The following PTPN13 variants were observed in gnomAD, a reference collection of about 807,000 sequenced individuals.
PTPN13 encodes tyrosine-protein phosphatase non-receptor type 13.
Under a neutral mutation model 284.0 loss-of-function variants are expected in PTPN13, and 191 were observed. The observed-to-expected ratio is 0.67, with a 90% confidence interval of 0.60 to 0.76. PTPN13 has a LOEUF of 0.76. Ranked by LOEUF, PTPN13 falls within the 30% of genes least tolerant of loss-of-function variation. The probability of loss-of-function intolerance (pLI) is 0.00; values close to 1 mark genes in which losing one functional copy is unlikely to be tolerated. For synonymous variants in PTPN13, 986 were observed against 1,022.3 expected (o/e 0.96, Z 0.68); for missense variants, 2,797 against 2,939.9 (o/e 0.95, Z 1.12).
At chr4:86,804,937 T>C (rs1744492608) in intron 43 of PTPN13, among the ~76,000 whole-genome samples, 1 of 152,234 alleles carries the variant, frequency 6.6e-6, no homozygotes, top group African/African-American at 2.4e-5. Context: ...ATACTGTCAA[T>C]AAATTGTGCT....
At chr4:86,662,839 G>A (rs1291655160) in intron 2 of PTPN13, among the ~76,000 whole-genome samples, 2 of 152,132 alleles carry the variant, frequency 1.3e-5, no homozygotes, top group Non-Finnish European at 2.9e-5. Flanking sequence ...GATTAAAGGT[G>A]CTCACCTCAT....
At chr4:86,758,489 A>C (rs1420624) in intron 21 of PTPN13, 140 bp downstream of exon 21, 562,641 of 896,152 alleles carry the variant, frequency 0.63, 179,370 homozygotes, top group African/African-American at 0.85. Context: ...AAGCCCATCA[A>C]CCTACCCGCC....
intron 15 of PTPN13, among the ~76,000 whole-genome samples, chr4:86,737,018 A>G (rs899937106): frequency 6.6e-6 from 1 of 152,130 alleles, no homozygotes; most frequent in Non-Finnish European, 1.5e-5. Flanking sequence ...GCTTTATTGC[A>G]GTATAATTTA....
chr4:86,634,335 G>A (rs1722780911), intron 1 of PTPN13, among the ~76,000 whole-genome samples: 1 of 152,074 alleles, frequency 6.6e-6, no homozygotes, highest in Non-Finnish European at 1.5e-5. Flanking sequence ...TTCAAGCTGT[G>A]TCAATTTAGG....
At chr4:86,696,782 A>G (rs554203117) in intron 6 of PTPN13, among the ~76,000 whole-genome samples, 1 of 152,176 alleles carries the variant, frequency 6.6e-6, no homozygotes, top group South Asian at 2.1e-4. Flanking sequence ...GAGTAATTAC[A>G]ATTAGTCACT....
At chr4:86,715,966 A>G (rs192379802) in intron 7 of PTPN13, among the ~76,000 whole-genome samples, 43 of 152,316 alleles carry the variant, frequency 2.8e-4, no homozygotes, top group Middle Eastern at 6.8e-3. Flanking sequence ...AAACCTACAC[A>G]GTACCCCCTT....
At chr4:86,780,369 G>A (rs1178411206) in intron 35 of PTPN13, 33 bp from the exon 36 acceptor site, 2 of 1,575,448 alleles carry the variant, frequency 1.3e-6, no homozygotes, top group Non-Finnish European at 8.6e-7. Flanking sequence ...CAATGTCCAA[G>A]ACAATTTACA....
In PTPN13 at chr4:86,775,200, T is replaced by G. The variant is rs1385687262; in HGVS notation, c.5538T>G (p.Thr1846=). Residue 1846 remains threonine, a synonymous_variant, in exon 34 of 48, where the codon ACT becomes ACG. Transcript: ENST00000411767. ...ATGATACAGATGTTACTAATATGAC[T>G]CATACAGATGCAGTTAATCTGCTCC... ...KVNDTDVTNM[T]HTDAVNLLRA... is the part of the protein sequence containing the mutation. The G allele has an allele frequency of 1.2e-6, 2 of 1,611,260 alleles. No homozygotes were observed. The highest frequency in any genetic ancestry group is 1.7e-6 in the Non-Finnish European group (2 of 1,178,990).
chr4:86,626,384 T>C (rs1360289231), intron 1 of PTPN13, among the ~76,000 whole-genome samples: 1 of 152,150 alleles, frequency 6.6e-6, no homozygotes, highest in Non-Finnish European at 1.5e-5. Flanking sequence ...CAAAAACATT[T>C]AGATACATGC....
intron 1 of PTPN13, among the ~76,000 whole-genome samples, chr4:86,627,172 C>G (rs1173558097): frequency 6.6e-6 from 1 of 151,904 alleles, no homozygotes; most frequent in Non-Finnish European, 1.5e-5. Flanking sequence ...ATCATAGAAA[C>G]AGAAAGTACA....
At chr4:86,698,566 C>T (rs1419100617) in intron 6 of PTPN13, among the ~76,000 whole-genome samples, 2 of 152,008 alleles carry the variant, frequency 1.3e-5, no homozygotes. Flanking sequence ...ATTTGGATAT[C>T]TCATAAAGGA....
chr4:86,758,658 T>C lies in PTPN13; in HGVS notation c.3314-20T>C. Reference sequence around the variant, plus strand: ...GAAAGCAGCAATATGAAAATCTTTTTAAAATGTGTTATTTTACAGGATTTC... The same window carrying C: ...GAAAGCAGCAATATGAAAATCTTTTCAAAATGTGTTATTTTACAGGATTTC... On this transcript the variant is annotated intron_variant, in intron 21 of 47. Coordinates refer to ENST00000411767, the MANE Select transcript of PTPN13 (RefSeq NM_080683.3). 6.3e-7 allele frequency: 1 copy of C among 1,588,456 alleles called. No homozygotes were observed. The highest frequency in any genetic ancestry group is 8.6e-7 in the Non-Finnish European group (1 of 1,157,844).
intron 1 of PTPN13, chr4:86,595,792 T>C: frequency 2.0e-6 from 2 of 983,458 alleles, no homozygotes; most frequent in Non-Finnish European, 2.4e-6. Flanking sequence ...CGCTGGTAAC[T>C]AATTATAAAT....
chr4:86,658,466 C>T (rs1272378427), intron 2 of PTPN13, among the ~76,000 whole-genome samples: 1 of 152,164 alleles, frequency 6.6e-6, no homozygotes, highest in Non-Finnish European at 1.5e-5. Flanking sequence ...GATGGTTGTT[C>T]AATTTAGTGT....
intron 36 of PTPN13, among the ~76,000 whole-genome samples, chr4:86,781,986 T>C (rs1355334752): frequency 2.0e-5 from 3 of 151,844 alleles, no homozygotes; most frequent in Non-Finnish European, 4.4e-5. Flanking sequence ...AAAAAGAAAT[T>C]AGCTTTTTCC....
Position 86,734,766 on chromosome 4 carries a change from T to G in PTPN13, c.2042T>G (p.Leu681Arg). ...QHTLTCHQYYLQLRKDILEER... is the reference protein window; with the variant it reads ...QHTLTCHQYYRQLRKDILEER... ...ACTCTGACGTGTCATCAGTATTACC[T>G]TCAGCTTCGAAAAGATATTTTGGAG... The change falls in exon 14 of 48, where the codon CTT becomes CGT. Residue 681 changes from leucine to arginine, a missense_variant. Physicochemically the swap from Leu to Arg is moderately radical, Grantham distance 102 (BLOSUM62 -2). Transcript: ENST00000411767. 1 of 1,613,240 alleles carries G rather than the reference T, an allele frequency of 6.2e-7. No homozygotes were observed. Among genetic ancestry groups the G allele is most frequent in the Non-Finnish European group, 8.5e-7 (1 of 1,179,412 alleles).
chr4:86,623,737 A>G (rs1721511350), intron 1 of PTPN13, among the ~76,000 whole-genome samples: 1 of 152,182 alleles, frequency 6.6e-6, no homozygotes, highest in Non-Finnish European at 1.5e-5. Context: ...TCCTATGTAT[A>G]TGCACATCTC....
At chr4:86,639,372 GCACA>G (rs1442197484) in intron 2 of PTPN13, among the ~76,000 whole-genome samples, 2 of 152,122 alleles carry the variant, frequency 1.3e-5, no homozygotes, top group Non-Finnish European at 1.5e-5. Context: ...AAAGACACAC[GCACA>G]CATATGTTTA....
intron 28 of PTPN13, 134 bp from the exon 29 acceptor site, chr4:86,769,635 G>A: frequency 6.6e-6 from 4 of 603,722 alleles, no homozygotes; most frequent in Non-Finnish European, 1.2e-5. Context: ...TTGGAGTGCA[G>A]TAAGTACATA....
Sources: gnomAD v4.1 joint callset for allele counts (sites outside exome capture counted in the v4.1 genomes callset) on GRCh38, gnomAD v4.1.1 for gene constraint, MANE v1.5 for transcripts, NCBI Gene and HGNC (gene_info 2026-07-23, HGNC 2026-07-21) for gene names.